The following NID2 variants were observed in gnomAD, a reference collection of about 807,000 sequenced individuals.
The protein encoded by NID2 is nidogen 2.
In NID2, 83 loss-of-function variants were observed where a neutral mutation model predicts 145.4. The ratio of observed to expected loss-of-function variants is 0.57; its 90% CI spans 0.48 to 0.69. The LOEUF is 0.69. Ranked by LOEUF, NID2 falls within the 30% of genes least tolerant of loss-of-function variation. The probability of loss-of-function intolerance (pLI) is 0.00; values close to 1 mark genes in which losing one functional copy is unlikely to be tolerated. For synonymous variants in NID2, 739 were observed against 701.3 expected (o/e 1.05, Z -0.85); for missense variants, 1,807 against 1,765.7 (o/e 1.02, Z -0.42).
chr14:52,020,325 G>A, intron 12 of NID2, 147 bp from the exon 13 acceptor site: 1 of 1,333,120 alleles, frequency 7.5e-7, no homozygotes, highest in Non-Finnish European at 1.0e-6. Context: ...GCAGAAAAAT[G>A]CTGACACCTA....
chr14:52,010,263 A>G (rs1365990173), intron 18 of NID2: 1 of 152,236 alleles, frequency 6.6e-6, no homozygotes, highest in Non-Finnish European at 1.5e-5. Context: ...TTCATTTCGT[A>G]GAAACTCCAC....
At chr14:52,043,233 CT>C (rs1324203943) in intron 5 of NID2, among the ~76,000 whole-genome samples, 1 of 152,170 alleles carries the variant, frequency 6.6e-6, no homozygotes, top group Non-Finnish European at 1.5e-5. Flanking sequence ...TTAGGTTGAA[CT>C]TCATGAAACC....
At chr14:52,011,436 C>T (rs1366061264) in intron 17 of NID2, 118 bp downstream of exon 17, 3 of 1,286,510 alleles carry the variant, frequency 2.3e-6, no homozygotes, top group African/African-American at 2.9e-5. Context: ...AATAAAATGA[C>T]TTGCCTAGAA....
In NID2 at chr14:52,060,376, AAAAG is replaced by A. The variant is rs766952248; in HGVS notation, c.535-24_535-21del. 8.7e-5 allele frequency: 106 copies of A among 1,213,526 alleles called. No individual in the cohort carries two copies. The Middle Eastern group carries it at 9.9e-4, about 11-fold the overall frequency. 75.2% of individuals were successfully genotyped at this position (1,213,526 alleles called of 1,614,324 possible). On this transcript the variant is annotated intron_variant, in intron 2 of 21. Coordinates refer to ENST00000216286, the MANE Select transcript of NID2 (RefSeq NM_007361.4). Reference sequence around the variant, plus strand: ...GTTCAGCTGTGAGGAAAAAAAAAAAAAAAGAGAGAGAGAGAGAGAGAAACATCCT... The same window carrying A: ...GTTCAGCTGTGAGGAAAAAAAAAAAAAGAGAGAGAGAGAGAGAAACATCCT...
intron 2 of NID2, among the ~76,000 whole-genome samples, chr14:52,067,278 G>T (rs78330816): frequency 0.012 from 1,823 of 152,232 alleles, 20 homozygotes; most frequent in Non-Finnish European, 0.019. Flanking sequence ...AAATGATGTA[G>T]AAATACATTT....
At chr14:52,019,021 C>T (rs1427905753) in intron 14 of NID2, 40 bp downstream of exon 14, 1 of 1,510,872 alleles carries the variant, frequency 6.6e-7, no homozygotes, top group Non-Finnish European at 9.2e-7. Flanking sequence ...TACCTACCAC[C>T]AGTGCCATTC....
chr14:52,052,962 G>A (rs1425347405), intron 5 of NID2, among the ~76,000 whole-genome samples: 4 of 152,150 alleles, frequency 2.6e-5, no homozygotes, highest in Non-Finnish European at 4.4e-5. Flanking sequence ...CTCTCAGTCC[G>A]ATCAGTGGGT....
chr14:52,011,238 G>C (rs1891007515), intron 17 of NID2, among the ~76,000 whole-genome samples, 191 bp from the exon 18 acceptor site: 1 of 152,146 alleles, frequency 6.6e-6, no homozygotes. Context: ...CTAGCTTCTA[G>C]ACCAGCAGAC....
At chr14:52,027,080 C>A in intron 12 of NID2, 121 bp downstream of exon 12, 1 of 1,037,454 alleles carries the variant, frequency 9.6e-7, no homozygotes, top group Non-Finnish European at 1.3e-6. Context: ...ACTATTTTGG[C>A]AGCCACAAGG....
rs1310188522 is a variant in NID2 at position 52,005,510 on chromosome 14, G to A, written c.4118-14C>T. On this transcript the variant is annotated splice_polypyrimidine_tract_variant and intron_variant, in intron 21 of 21. Coordinates refer to ENST00000216286, the MANE Select transcript of NID2 (RefSeq NM_007361.4). ...CTTACTTTCTTCCTGTGAGAGAAGA[G>A]CAGGGGTGGGACAGGGTGGTGGGTG... 1.3e-6 allele frequency: 2 copies of A among 1,596,806 alleles called. No individual in the cohort carries two copies. Among genetic ancestry groups the A allele is most frequent in the East Asian group, 4.5e-5 (2 of 44,800 alleles).
Position 52,068,965 on chromosome 14 carries a change from C to G in NID2, c.30G>C (p.Pro10=). The change falls in exon 1 of 22, where the codon CCG becomes CCC. Residue 10 remains proline (P), a synonymous_variant. Transcript: ENST00000216286. Reference sequence around the variant, plus strand: ...GTAGCACTGGTAACGACGACAGCACCGGCCGCCCGGCCACCCGGTCCCCCT... The same window carrying G: ...GTAGCACTGGTAACGACGACAGCACGGGCCGCCCGGCCACCCGGTCCCCCT... The part of the protein sequence containing the change: MEGDRVAGR[P]VLSSLPVLLL... 6.2e-7 allele frequency: 1 copy of G among 1,611,950 alleles called. No homozygotes were observed. The highest frequency in any genetic ancestry group is 8.5e-7 in the Non-Finnish European group (1 of 1,179,096).
At chr14:52,011,266 A>G (rs934140361) in intron 17 of NID2, among the ~76,000 whole-genome samples, 18 of 152,208 alleles carry the variant, frequency 1.2e-4, no homozygotes, top group African/African-American at 3.6e-4. Flanking sequence ...TTTGATGACA[A>G]CCGGCATCCA....
chr14:52,019,652 G>A (rs1056580773), intron 13 of NID2, among the ~76,000 whole-genome samples: 3 of 149,774 alleles, frequency 2.0e-5, no homozygotes, highest in Admixed American at 6.6e-5. Flanking sequence ...GCAAGCCAAC[G>A]GCACTCACCA....
intron 5 of NID2, among the ~76,000 whole-genome samples, chr14:52,045,455 G>A (rs1412179969): frequency 2.0e-5 from 3 of 151,046 alleles, no homozygotes; most frequent in Non-Finnish European, 2.9e-5. Flanking sequence ...AGAAATTCCA[G>A]TTTGATAAAA....
Position 52,060,172 on chromosome 14 carries a change from G to T in NID2, c.719C>A (p.Pro240Gln). ...GEADDLKSEG[P>Q]YFSLTSTEQS... ...TTCAGTGCTAGTCAAGCTGAAATAT[G>T]GTCCTTCTGACTTCAGATCATCAGC... The change falls in exon 3 of 22, where the codon CCA (proline) becomes CAA (glutamine). Residue 240 changes from proline (P) to glutamine (Q), a missense_variant. Transcript: ENST00000216286. 1 of 1,613,962 alleles carries T rather than the reference G, an allele frequency of 6.2e-7. No individual in the cohort carries two copies. Among genetic ancestry groups the T allele is most frequent in the African/African-American group, 1.3e-5 (1 of 75,004 alleles).
At position 52,005,857 on chromosome 14, in the gene NID2, CAG is replaced by C; in HGVS notation, c.4005-10_4005-9del. ...ACTGATACAACACCATCCCTGGTAA[CAG>C]AAAGGAAGAGTGAATTCAGGGACAG... On this transcript the variant is annotated splice_polypyrimidine_tract_variant and intron_variant, in intron 20 of 21. Transcript: ENST00000216286. 3 of 1,586,898 alleles carry C rather than the reference CAG, an allele frequency of 1.9e-6. No homozygotes were observed. The highest frequency in any genetic ancestry group is 2.6e-6 in the Non-Finnish European group (3 of 1,155,622).
chr14:52,053,228 T>A (rs1175400641), intron 5 of NID2, among the ~76,000 whole-genome samples: 3 of 152,212 alleles, frequency 2.0e-5, no homozygotes, highest in Non-Finnish European at 2.9e-5. Flanking sequence ...CTGGAATGTG[T>A]ATGAAGCCGC....
At chr14:52,006,488 T>C (rs1487696068) in intron 20 of NID2, 49 bp downstream of exon 20, 3 of 1,609,872 alleles carry the variant, frequency 1.9e-6, no homozygotes, top group South Asian at 2.2e-5. Context: ...TGGTGTGTCC[T>C]CTGGAACAGT....
At chr14:52,030,159 G>A (rs75773706) in intron 9 of NID2, among the ~76,000 whole-genome samples, 9,006 of 152,154 alleles carry the variant, frequency 0.059, 347 homozygotes, top group Middle Eastern at 0.13. Context: ...TAAATCTGTT[G>A]ATCTCTTACT....
Sources: allele counts gnomAD v4.1 joint callset (sites outside exome capture counted in the v4.1 genomes callset), GRCh38; gene constraint gnomAD v4.1.1; transcripts MANE v1.5; gene names NCBI Gene and HGNC (gene_info 2026-07-23, HGNC 2026-07-21).